The following ANO2 variants were observed in gnomAD, a reference collection of about 807,000 sequenced individuals.
ANO2 encodes the protein anoctamin-2.
A neutral mutation model predicts 124.2 loss-of-function variants in ANO2; 101 were observed. The observed-to-expected ratio is 0.81, with a 90% CI of 0.69 to 0.96. The LOEUF is 0.96. Among genes scored for constraint, ANO2 ranks in the 40% least tolerant of loss-of-function variants. ANO2 has a pLI of 0.00. For synonymous variants in ANO2, 486 were observed against 482.5 expected (o/e 1.01, Z -0.09); for missense variants, 1,293 against 1,274.5 (o/e 1.01, Z -0.22).
chr12:5,657,244 A>G (rs1039894347), intron 14 of ANO2, among the ~76,000 whole-genome samples: 4 of 152,204 alleles, frequency 2.6e-5, no homozygotes, highest in Admixed American at 6.5e-5. Context: ...CCCAGGTTCA[A>G]CTATGTCTGA....
intron 14 of ANO2, among the ~76,000 whole-genome samples, chr12:5,653,739 A>C (rs926543391): frequency 6.6e-6 from 1 of 152,220 alleles, no homozygotes; most frequent in African/African-American, 2.4e-5. Flanking sequence ...GATGAACGCA[A>C]ATTATGACAT....
At chr12:5,624,447 C>T (rs1355215969) in intron 16 of ANO2, among the ~76,000 whole-genome samples, 1 of 152,084 alleles carries the variant, frequency 6.6e-6, no homozygotes, top group Non-Finnish European at 1.5e-5. Context: ...GAAGGTGTGC[C>T]CTGTCCCTGA....
intron 14 of ANO2, among the ~76,000 whole-genome samples, chr12:5,718,716 T>C (rs534971815): frequency 5.6e-4 from 86 of 152,326 alleles, no homozygotes; most frequent in African/African-American, 1.7e-3. Flanking sequence ...CTAGATTCAG[T>C]CAATGGAAGG....
At chr12:5,843,858 G>A (rs537939814) in intron 4 of ANO2, among the ~76,000 whole-genome samples, 2 of 152,276 alleles carry the variant, frequency 1.3e-5, no homozygotes, top group South Asian at 2.1e-4. Context: ...AATATTGTTT[G>A]AGGAACACCA....
intron 13 of ANO2, chr12:5,732,832 C>A (rs1950698737): frequency 6.2e-7 from 1 of 1,613,448 alleles, no homozygotes; most frequent in African/African-American, 1.3e-5. Context: ...AGACAAGGGA[C>A]ACACAACACT....
intron 9 of ANO2, 40 bp downstream of exon 9, chr12:5,806,012 G>C: frequency 1.2e-6 from 2 of 1,603,712 alleles, no homozygotes; most frequent in Non-Finnish European, 8.5e-7. Context: ...CCGTAGTCTC[G>C]CATGCCCAAA....
chr12:5,847,445 C>CTGTGTG (rs35366359), intron 4 of ANO2, among the ~76,000 whole-genome samples: 3,178 of 144,752 alleles, frequency 0.022, 36 homozygotes, highest in East Asian at 0.046. Flanking sequence ...CATAACACCT[C>CTGTGTG]TGTGTGTGTG....
At chr12:5,944,620 T>A (rs1183847420) in intron 1 of ANO2, among the ~76,000 whole-genome samples, 2 of 152,188 alleles carry the variant, frequency 1.3e-5, no homozygotes, top group Non-Finnish European at 2.9e-5. Flanking sequence ...GAAAAGTCCC[T>A]CGGGAAGGTA....
At chr12:5,843,393 T>C (rs1430660184) in intron 4 of ANO2, among the ~76,000 whole-genome samples, 1 of 151,730 alleles carries the variant, frequency 6.6e-6, no homozygotes, top group African/African-American at 2.4e-5. Flanking sequence ...CTAGTAAAAA[T>C]ACAAAAATGA....
intron 1 of ANO2, among the ~76,000 whole-genome samples, chr12:5,943,445 G>T (rs921893732): frequency 7.2e-5 from 11 of 152,126 alleles, no homozygotes; most frequent in African/African-American, 1.4e-4. Flanking sequence ...ATTCATAAGT[G>T]GGAGTTATGC....
rs776625495 is a variant in ANO2 at position 5,921,278 on chromosome 12, AC to A, written c.295del (p.Val99SerfsTer68). 4 of 1,613,880 alleles carry A rather than the reference AC, an allele frequency of 2.5e-6. No homozygotes were observed. The highest frequency in any genetic ancestry group is 3.4e-6 in the Non-Finnish European group (4 of 1,179,866). ...RMHFHDSQRK[V>X]DYVLAYHYRK... ...GTAGTGGTAGGCAAGTACATAGTCG[AC>A]CTTCCTCTGACTGTCATGGAAGTGC... On this transcript the variant is annotated frameshift_variant, in exon 3 of 25. Transcript: ENST00000682330. LOFTEE classifies it high-confidence loss of function.
intron 15 of ANO2, among the ~76,000 whole-genome samples, chr12:5,639,158 A>C (rs11063789): frequency 6.6e-6 from 1 of 152,018 alleles, no homozygotes; most frequent in Non-Finnish European, 1.5e-5. Context: ...AACTTTCCAG[A>C]AAAGGGAAGA....
intron 14 of ANO2, among the ~76,000 whole-genome samples, chr12:5,698,273 A>T (rs1190622134): frequency 6.6e-6 from 1 of 152,216 alleles, no homozygotes; most frequent in Non-Finnish European, 1.5e-5. Flanking sequence ...TCAGGCAGCA[A>T]CATTTGCTAT....
chr12:5,694,198 C>T (rs1219694054), intron 14 of ANO2, among the ~76,000 whole-genome samples: 1 of 149,956 alleles, frequency 6.7e-6, no homozygotes, highest in Non-Finnish European at 1.5e-5. Context: ...CGCCAGTCCC[C>T]AAAGCTTCGA....
intron 4 of ANO2, among the ~76,000 whole-genome samples, chr12:5,843,108 C>T (rs1180602881): frequency 6.6e-6 from 1 of 152,096 alleles, no homozygotes; most frequent in East Asian, 1.9e-4. Flanking sequence ...TATAGCCAAC[C>T]AACCCTATGT....
intron 3 of ANO2, among the ~76,000 whole-genome samples, chr12:5,896,077 A>C (rs2136276819): frequency 6.6e-6 from 1 of 152,286 alleles, no homozygotes; most frequent in East Asian, 1.9e-4. Flanking sequence ...GTGGGAGCTA[A>C]GCTATGAGGA....
At chr12:5,691,690 G>C (rs1948949601) in intron 14 of ANO2, among the ~76,000 whole-genome samples, 1 of 151,926 alleles carries the variant, frequency 6.6e-6, no homozygotes, top group Admixed American at 6.6e-5. Flanking sequence ...GATCCCTTGA[G>C]CCCAGGAGTT....
chr12:5,718,506 A>G (rs1950102221), intron 14 of ANO2, among the ~76,000 whole-genome samples: 1 of 152,238 alleles, frequency 6.6e-6, no homozygotes, highest in Non-Finnish European at 1.5e-5. Context: ...GAGATGACAA[A>G]GCCAACAGTC....
At chr12:5,866,477 GAAC>G (rs1478754103) in intron 3 of ANO2, among the ~76,000 whole-genome samples, 1 of 152,190 alleles carries the variant, frequency 6.6e-6, no homozygotes, top group Non-Finnish European at 1.5e-5. Context: ...CTGCCAATAT[GAAC>G]AAGCATTCTC....
Sources: gnomAD v4.1 joint callset for allele counts (sites outside exome capture counted in the v4.1 genomes callset) on GRCh38, gnomAD v4.1.1 for gene constraint, MANE v1.5 for transcripts, NCBI Gene and HGNC (gene_info 2026-07-23, HGNC 2026-07-21) for gene names.